Variants in ADD1 observed in about 807,000 individuals in gnomAD.
ADD1 encodes the protein alpha-adducin.
ADD1 carries 24 observed loss-of-function variants against 80.5 expected under a neutral mutation model. That is an observed-to-expected ratio of 0.30 (90% CI 0.22 to 0.42). ADD1 has a LOEUF of 0.42. ADD1 is among the 10% of genes least tolerant of loss of function. The pLI is 1.00. For synonymous variants in ADD1, 373 were observed against 393.8 expected (o/e 0.95, Z 0.63); for missense variants, 948 against 1,019.0 (o/e 0.93, Z 0.95).
chr4:2,851,786 T>C (rs1158827894), intron 1 of ADD1, among the ~76,000 whole-genome samples: 1 of 152,188 alleles, frequency 6.6e-6, no homozygotes, highest in African/African-American at 2.4e-5. Context: ...GTGATGTTAA[T>C]TGACCAGTCT....
chr4:2,893,120 G>A (rs1734587909), intron 4 of ADD1, among the ~76,000 whole-genome samples: 1 of 151,760 alleles, frequency 6.6e-6, no homozygotes, highest in South Asian at 2.1e-4. Flanking sequence ...GTAGAGACGG[G>A]GTTTTGCCAT....
intron 1 of ADD1, chr4:2,853,540 A>G (rs974752747): frequency 8.5e-5 from 13 of 152,176 alleles, no homozygotes; most frequent in African/African-American, 2.7e-4. Context: ...TGGCCCATAA[A>G]TTATTTTAAA....
At chr4:2,913,931 C>T (rs2857867) in intron 13 of ADD1, among the ~76,000 whole-genome samples, 2 of 151,886 alleles carry the variant, frequency 1.3e-5, no homozygotes, top group East Asian at 1.9e-4. Flanking sequence ...TGGTGGCGGG[C>T]GCCTGTAGTC....
intron 3 of ADD1, among the ~76,000 whole-genome samples, chr4:2,882,890 T>C (rs1163264211): frequency 2.6e-5 from 4 of 152,160 alleles, no homozygotes; most frequent in African/African-American, 4.8e-5. Flanking sequence ...AGACGGCGTC[T>C]TGCTCTGTCT....
chr4:2,899,308 A>G lies in ADD1; in HGVS notation c.1034A>G (p.Asn345Ser). The G allele has an allele frequency of 1.2e-6, 2 of 1,614,206 alleles. No homozygotes were observed. The highest frequency in any genetic ancestry group is 1.7e-5 in the Admixed American group (1 of 60,030). ...GGACCAGACAACTTAGTCCTGCTGA[A>G]TCCTGAGAAGTACAAAGCCAAGTCC... ...AGGPDNLVLL[N>S]PEKYKAKSRS... Residue 345 changes from asparagine to serine, a missense_variant, in exon 9 of 16, where the codon AAT becomes AGT. By Grantham distance (46) the Asn-to-Ser change is conservative. Transcript: ENST00000683351.
In ADD1 at chr4:2,928,337, G is replaced by GGCCAGCCCCGA; in HGVS notation, c.2224_2234dup (p.Asp746SerfsTer49). On this transcript the variant is annotated frameshift_variant, in exon 16 of 16. Coordinates refer to ENST00000683351, the MANE Select transcript of ADD1 (RefSeq NM_001354761.2). LOFTEE classifies it high-confidence loss of function. ...CAAGCCCCACTGAGGCCCCTACTGAGGCCAGCCCCGAGCCAGCCCCAGACC... is the reference window on the plus strand; with the variant it reads ...CAAGCCCCACTGAGGCCCCTACTGAGGCCAGCCCCGAGCCAGCCCCGAGCCAGCCCCAGACC... 1 of 1,613,830 alleles carries GGCCAGCCCCGA rather than the reference G, an allele frequency of 6.2e-7. No homozygotes were observed. The highest frequency in any genetic ancestry group is 1.1e-5 in the South Asian group (1 of 91,066).
chr4:2,908,651 A>G (rs1304837641), intron 12 of ADD1, 47 bp downstream of exon 12: 1 of 1,484,544 alleles, frequency 6.7e-7, no homozygotes, highest in East Asian at 2.3e-5. Flanking sequence ...TGGCTGTGTG[A>G]CCGCCTGCTC....
chr4:2,872,472 TAA>T (rs1730602552), intron 1 of ADD1, among the ~76,000 whole-genome samples: 1 of 152,264 alleles, frequency 6.6e-6, no homozygotes, highest in African/African-American at 2.4e-5. Context: ...GTTTGCCACT[TAA>T]TATGTTTTAT....
chr4:2,851,990 C>T (rs1727154956), intron 1 of ADD1, among the ~76,000 whole-genome samples: 1 of 152,076 alleles, frequency 6.6e-6, no homozygotes, highest in Admixed American at 6.5e-5. Context: ...AGGCATGCAT[C>T]ACTACGCCCG....
intron 6 of ADD1, 109 bp downstream of exon 6, chr4:2,894,840 G>A (rs1734923104): frequency 1.6e-6 from 2 of 1,213,568 alleles, no homozygotes; most frequent in African/African-American, 3.3e-5. Flanking sequence ...AACTAATTTT[G>A]TTGAATATAA....
intron 1 of ADD1, among the ~76,000 whole-genome samples, chr4:2,874,334 CGGTGGCTAACGCCTATAATCCCAGCA>C (rs1234651405): frequency 6.6e-6 from 1 of 152,126 alleles, no homozygotes; most frequent in Non-Finnish European, 1.5e-5. Flanking sequence ...TGGCTGGGGG[CGGTGGCTAACGCCTATAATCCCAGCA>C]CTTTGAGAGG....
chr4:2,873,633 T>C (rs115494899), intron 1 of ADD1, among the ~76,000 whole-genome samples: 1 of 152,358 alleles, frequency 6.6e-6, no homozygotes, highest in African/African-American at 2.4e-5. Context: ...ATAGCTATAG[T>C]TACCTCTAAA....
At chr4:2,848,146 C>G (rs1437003939) in intron 1 of ADD1, among the ~76,000 whole-genome samples, 4 of 150,044 alleles carry the variant, frequency 2.7e-5, no homozygotes, top group African/African-American at 9.9e-5. Context: ...ACCCAGGAGG[C>G]GGAGGTTACA....
At chr4:2,866,765 T>G (rs1394200569) in intron 1 of ADD1, among the ~76,000 whole-genome samples, 1 of 152,168 alleles carries the variant, frequency 6.6e-6, no homozygotes, top group Non-Finnish European at 1.5e-5. Context: ...GCCGGCCATT[T>G]ATTTATTGTG....
chr4:2,903,121 G>A (rs1479595445), intron 9 of ADD1, among the ~76,000 whole-genome samples: 2 of 152,188 alleles, frequency 1.3e-5, no homozygotes, highest in Non-Finnish European at 2.9e-5. Flanking sequence ...CCAGAGGGGA[G>A]AGAGAATTCT....
At chr4:2,880,463 CTTTTTTTTTTTTTTTTTTT>C (rs1167878841) in intron 2 of ADD1, among the ~76,000 whole-genome samples, 4 of 63,168 alleles carry the variant, frequency 6.3e-5, no homozygotes, top group South Asian at 6.9e-4. Context: ...TTCTTTCTTT[CTTTTTTTTTTTTTTTTTTT>C]TTTTTTTTTT....
chr4:2,885,823 G>T (rs541513759), intron 4 of ADD1, among the ~76,000 whole-genome samples: 1 of 152,020 alleles, frequency 6.6e-6, no homozygotes, highest in South Asian at 2.1e-4. Context: ...TGTTAGCCAG[G>T]ATGGTCTCGA....
At chr4:2,868,822 G>A (rs1012860593) in intron 1 of ADD1, among the ~76,000 whole-genome samples, 1 of 152,218 alleles carries the variant, frequency 6.6e-6, no homozygotes, top group Admixed American at 6.5e-5. Context: ...CAGGAGTCCA[G>A]GTGCCAGGCT....
At position 2,928,542 on chromosome 4, in the gene ADD1, G is replaced by T. The variant is rs754136119; in HGVS notation, c.*19G>T. ...CTCCTGAAAGCCCTGCGCTAACACT[G>T]TCCTGTCCGGAGCGACCCTGGCTCT... is the stretch of plus-strand genomic sequence containing the variant. On this transcript the variant is annotated 3_prime_UTR_variant, in exon 16 of 16. Transcript: ENST00000683351. The T allele has an allele frequency of 2.5e-6, 4 of 1,603,706 alleles. No homozygotes were observed. Among genetic ancestry groups the T allele is most frequent in the Non-Finnish European group, 3.4e-6 (4 of 1,176,578 alleles).
Sources: gnomAD v4.1 joint callset for allele counts (sites outside exome capture counted in the v4.1 genomes callset) on GRCh38, gnomAD v4.1.1 for gene constraint, MANE v1.5 for transcripts, NCBI Gene and HGNC (gene_info 2026-07-23, HGNC 2026-07-21) for gene names.